Variants in ANKRD28 observed in about 807,000 individuals in gnomAD.
ANKRD28 encodes ankyrin repeat domain 28.
ANKRD28 carries 44 observed loss-of-function variants against 126.5 expected under a neutral mutation model. The ratio of observed to expected loss-of-function variants is 0.35; its 90% confidence interval spans 0.27 to 0.45. ANKRD28 has a LOEUF of 0.45. Among genes scored for constraint, ANKRD28 ranks in the 20% least tolerant of loss-of-function variants. The pLI is 1.00. For synonymous variants in ANKRD28, 442 were observed against 468.5 expected (o/e 0.94, Z 0.73); for missense variants, 1,110 against 1,316.6 (o/e 0.84, Z 2.43).
At chr3:15,810,346 T>C (rs1367579134) in intron 1 of ANKRD28, among the ~76,000 whole-genome samples, 2 of 152,014 alleles carry the variant, frequency 1.3e-5, no homozygotes, top group East Asian at 1.9e-4. Flanking sequence ...GCATTTCTAC[T>C]TGTAGGAACT....
intron 1 of ANKRD28, among the ~76,000 whole-genome samples, chr3:15,841,739 G>A (rs1033481656): frequency 7.9e-5 from 12 of 152,106 alleles, no homozygotes; most frequent in Admixed American, 2.6e-4. Flanking sequence ...TCATCTCACC[G>A]CAGTTAAAAT....
At position 15,707,845 on chromosome 3, in the gene ANKRD28, T is replaced by C. The variant is rs2276751; in HGVS notation, c.1547+79A>G. 165,097 of 1,504,052 alleles carry C rather than the reference T, an allele frequency of 0.11. 14,914 individuals are homozygous for C. Among genetic ancestry groups the C allele is most frequent in the East Asian group, 0.55 (23,445 of 42,962 alleles). The allele number at this position is 1,504,052 out of a possible 1,614,324, so 93.2% of individuals were successfully genotyped here. On this transcript the variant is annotated intron_variant, in intron 14 of 27. Coordinates refer to ENST00000683139, the MANE Select transcript of ANKRD28 (RefSeq NM_001349278.2). ...AAAAAATACAAAGAGGAAACACAAA[T>C]TTGCAACAAAAACATCCATATGGAA...
At chr3:15,785,043 T>A (rs2059710586) in intron 2 of ANKRD28, among the ~76,000 whole-genome samples, 1 of 152,080 alleles carries the variant, frequency 6.6e-6, no homozygotes, top group Non-Finnish European at 1.5e-5. Context: ...CAGTAGCAGC[T>A]ACCCATAACC....
chr3:15,805,983 T>G (rs950681068), intron 1 of ANKRD28, among the ~76,000 whole-genome samples: 3 of 152,184 alleles, frequency 2.0e-5, no homozygotes, highest in African/African-American at 7.2e-5. Context: ...ATGATTCATG[T>G]CTTTCTGAAC....
Position 15,773,044 on chromosome 3 carries a change from A to C in ANKRD28, c.202-6732T>G, listed in dbSNP as rs1164658469. 3.9e-5 allele frequency among the ~76,000 whole-genome samples: 6 copies of C among 152,214 alleles called. No individual in the cohort carries two copies. In the East Asian group the frequency reaches 1.2e-3, roughly 29 times the overall value. On this transcript the variant is annotated intron_variant, in intron 2 of 27. Coordinates refer to ENST00000683139, the MANE Select transcript of ANKRD28 (RefSeq NM_001349278.2). Reference sequence around the variant, plus strand: ...AAGTACTTGTCAGTAAAATAAGGAAAAGCAAAAAATCTTATCAATTGAGAG... The same window carrying C: ...AAGTACTTGTCAGTAAAATAAGGAACAGCAAAAAATCTTATCAATTGAGAG...
upstream of ANKRD28, among the ~76,000 whole-genome samples, chr3:15,801,991 T>C (rs922494072): frequency 6.6e-6 from 1 of 152,220 alleles, no homozygotes; most frequent in African/African-American, 2.4e-5. This position sits in a 1 kb window ranked among gnomAD's most constrained non-coding sequence, Gnocchi z 4.9. Context: ...ATACTGCAGA[T>C]TGTTAGCACA....
rs2058261518 is a variant in ANKRD28 at position 15,758,057 on chromosome 3, T to C, written c.281-6237A>G. On this transcript the variant is annotated intron_variant, in intron 3 of 27. Transcript: ENST00000683139. ...CCAACCTCTGATCTAGGCTAAGAAC[T>C]TGATAGTAGGTACTATTAAAGTTAT... 2.6e-5 allele frequency among the ~76,000 whole-genome samples: 4 copies of C among 152,212 alleles called. No individual in the cohort carries two copies. The South Asian group carries it at 8.3e-4, about 32-fold the overall frequency.
chr3:15,754,193 T>C (rs976758174), intron 3 of ANKRD28, among the ~76,000 whole-genome samples: 1 of 152,200 alleles, frequency 6.6e-6, no homozygotes, highest in African/African-American at 2.4e-5. Flanking sequence ...AATTCATAAA[T>C]TTTAAATTGC....
At chr3:15,704,767 A>G (rs572023965) in intron 14 of ANKRD28, among the ~76,000 whole-genome samples, 1 of 152,280 alleles carries the variant, frequency 6.6e-6, no homozygotes, top group South Asian at 2.1e-4. Context: ...CAAAACAATC[A>G]CTTATTAAAA....
intron 1 of ANKRD28, among the ~76,000 whole-genome samples, chr3:15,820,966 T>C (rs1409194273): frequency 6.6e-6 from 1 of 152,158 alleles, no homozygotes; most frequent in African/African-American, 2.4e-5. Context: ...AATCTAGATC[T>C]GGTAAATCCA....
chr3:15,679,155 G>A (rs2067264222), intron 23 of ANKRD28, 146 bp downstream of exon 23: 2 of 676,780 alleles, frequency 3.0e-6, no homozygotes, highest in Non-Finnish European at 5.1e-6. Flanking sequence ...TTTTGGTAGA[G>A]ATGCAGGTCT....
At chr3:15,702,912 A>G (rs1330157590) in intron 14 of ANKRD28, among the ~76,000 whole-genome samples, 4 of 152,104 alleles carry the variant, frequency 2.6e-5, no homozygotes, top group Admixed American at 2.6e-4. Context: ...TGTTCCAAAC[A>G]ATTCATATAT....
At chr3:15,798,378 G>C (rs2060371871), upstream of ANKRD28, among the ~76,000 whole-genome samples, 1 of 152,064 alleles carries the variant, frequency 6.6e-6, no homozygotes, top group African/African-American at 2.4e-5. Context: ...TTTTTACCAA[G>C]ATCAGTTTTA....
rs1325950453 is a variant in ANKRD28 at position 15,839,842 on chromosome 3, A to G, written c.27+19535T>C. On this transcript the variant is annotated intron_variant, in intron 1 of 27. Transcript: ENST00000399451. The surrounding 1 kb of genome is among the most constrained non-coding windows in gnomAD (Gnocchi z 4.3). The stretch of plus-strand genomic sequence containing the variant: ...CTGATGCTGAAAAAGCATTTGATAA[A>G]ATTCAACATCCCTTCATAATAAAAA... Among the ~76,000 whole-genome samples the G allele has an allele frequency of 6.6e-6, 1 of 152,200 alleles. No individual in the cohort carries two copies. Among genetic ancestry groups the G allele is most frequent in the Non-Finnish European group, 1.5e-5 (1 of 68,042 alleles).
At chr3:15,700,458 CA>C (rs71045180) in intron 14 of ANKRD28, among the ~76,000 whole-genome samples, 1,468 of 146,778 alleles carry the variant, frequency 0.01, 9 homozygotes, top group Non-Finnish European at 0.013. Context: ...AGTATAATGA[CA>C]AAAAAAAAAA....
At chr3:15,722,501 C>A (rs1294111776) in intron 7 of ANKRD28, among the ~76,000 whole-genome samples, 1 of 152,170 alleles carries the variant, frequency 6.6e-6, no homozygotes, top group African/African-American at 2.4e-5. Context: ...TAATAAACCA[C>A]AACCATGAGT....
At chr3:15,710,054 A>C (rs2072025263) in intron 12 of ANKRD28, among the ~76,000 whole-genome samples, 1 of 146,592 alleles carries the variant, frequency 6.8e-6, no homozygotes. Context: ...TTTTTTCTTG[A>C]AACAGAGCCT....
At position 15,745,785 on chromosome 3, in the gene ANKRD28, G is replaced by A. The variant is rs112502017; in HGVS notation, c.351+5965C>T. 3.6e-3 allele frequency among the ~76,000 whole-genome samples: 547 copies of A among 152,158 alleles called. 6 individuals carry two copies. Among genetic ancestry groups the A allele is most frequent in the African/African-American group, 0.013 (528 of 41,512 alleles). On this transcript the variant is annotated intron_variant, in intron 4 of 27. Coordinates refer to ENST00000683139, the MANE Select transcript of ANKRD28 (RefSeq NM_001349278.2). ...TTTTGATGAGAAATGCACTGAATTT[G>A]TAGATTGCTTTTGGCAGCATGGTCA...
At chr3:15,702,609 A>G (rs2070774659) in intron 14 of ANKRD28, among the ~76,000 whole-genome samples, 1 of 152,134 alleles carries the variant, frequency 6.6e-6, no homozygotes, top group Non-Finnish European at 1.5e-5. Flanking sequence ...AACTATTTAA[A>G]TTTCTCCTAC....
Sources: allele counts gnomAD v4.1 joint callset (sites outside exome capture counted in the v4.1 genomes callset), GRCh38; gene constraint gnomAD v4.1.1; non-coding constraint Gnocchi (gnomAD v3.1); transcripts MANE v1.5; gene names NCBI Gene and HGNC (gene_info 2026-07-23, HGNC 2026-07-21).